OPA1: variants seen among roughly 807,000 people sequenced by gnomAD.
OPA1 encodes the protein OPA1 mitochondrial dynamin like GTPase.
Under a neutral mutation model 152.9 loss-of-function variants are expected in OPA1, and 59 were observed. That is an observed-to-expected ratio of 0.39 (90% CI 0.31 to 0.48). The LOEUF is 0.48. Ranked by LOEUF, OPA1 falls within the 20% of genes least tolerant of loss-of-function variation. OPA1 has a pLI of 0.96. For missense variants in OPA1, 1,008 were observed against 1,216.8 expected (o/e 0.83, Z 2.55); for synonymous variants, 400 against 389.9 (o/e 1.03, Z -0.31).
At chr3:193,667,807 A>G (rs921882644) in intron 29 of OPA1, among the ~76,000 whole-genome samples, 5 of 152,142 alleles carry the variant, frequency 3.3e-5, no homozygotes, top group African/African-American at 1.2e-4. Context: ...TCTCATAGCA[A>G]CCGAACATTG....
Position 193,643,594 on chromosome 3 carries a change from C to A in OPA1, c.1444C>A (p.Gln482Lys), listed in dbSNP as rs771512430. The A allele has an allele frequency of 3.1e-6, 5 of 1,613,528 alleles. No homozygotes were observed. In the South Asian group the frequency reaches 5.5e-5, roughly 18 times the overall value. The change falls in exon 15 of 31, where the codon CAG becomes AAG. Residue 482 changes from glutamine to lysine, a missense_variant. Coordinates refer to ENST00000361510, the MANE Select transcript of OPA1 (RefSeq NM_130837.3). ...TTTCAGTATCAGCAAAGCTTACATG[C>A]AGAATCCTAATGCCATCATACTGTG... Reference protein sequence around the residue: ...TIFSISKAYMQNPNAIILCIQ... With the variant: ...TIFSISKAYMKNPNAIILCIQ...
intron 3 of OPA1, among the ~76,000 whole-genome samples, chr3:193,616,295 A>G (rs1460477787): frequency 6.6e-6 from 1 of 152,216 alleles, no homozygotes; most frequent in Non-Finnish European, 1.5e-5. Context: ...AGTGTGAGCC[A>G]CTATGCCTGG....
At chr3:193,620,921 C>G (rs1729936278) in intron 6 of OPA1, among the ~76,000 whole-genome samples, 1 of 152,210 alleles carries the variant, frequency 6.6e-6, no homozygotes, top group African/African-American at 2.4e-5. Context: ...GAGACCTTAG[C>G]TTAGCAGTAC....
At chr3:193,616,036 G>T (rs2108870739) in intron 3 of OPA1, among the ~76,000 whole-genome samples, 1 of 152,234 alleles carries the variant, frequency 6.6e-6, no homozygotes, top group Non-Finnish European at 1.5e-5. Context: ...TATCGATTGA[G>T]ACAGGATCTT....
intron 29 of OPA1, among the ~76,000 whole-genome samples, chr3:193,667,861 C>G (rs60732955): frequency 6.6e-6 from 1 of 152,054 alleles, no homozygotes; most frequent in Non-Finnish European, 1.5e-5. Flanking sequence ...CAAGTTTCAC[C>G]CGTTGTCCCA....
chr3:193,670,147 C>T (rs890570889), intron 29 of OPA1, among the ~76,000 whole-genome samples: 2 of 151,984 alleles, frequency 1.3e-5, no homozygotes, highest in African/African-American at 4.8e-5. Flanking sequence ...AGAAAACTTT[C>T]CAAATTTAAG....
chr3:193,654,159 G>C (rs112307000), intron 21 of OPA1, among the ~76,000 whole-genome samples: 3,842 of 152,188 alleles, frequency 0.025, 53 homozygotes, highest in Non-Finnish European at 0.03. Flanking sequence ...CACAAGAATG[G>C]ATAAACACAT....
intron 29 of OPA1, among the ~76,000 whole-genome samples, chr3:193,675,064 C>G (rs2011539375): frequency 6.6e-6 from 1 of 152,114 alleles, no homozygotes; most frequent in Non-Finnish European, 1.5e-5. Context: ...GACATACATT[C>G]ATTTGTAGAG....
Position 193,649,961 on chromosome 3 carries a change from G to C in OPA1, c.2012+1090G>C, listed in dbSNP as rs535095721. On this transcript the variant is annotated intron_variant, in intron 21 of 30. Coordinates refer to ENST00000361510, the MANE Select transcript of OPA1 (RefSeq NM_130837.3). ...GGTTTACAGATTGAGTATAATACTA[G>C]TTGCCTTGCTAGATTGTATGAGGGC... 2.6e-5 allele frequency among the ~76,000 whole-genome samples: 4 copies of C among 152,266 alleles called. No individual in the cohort carries two copies. In the East Asian group the frequency reaches 7.7e-4, roughly 29 times the overall value.
intron 11 of OPA1, among the ~76,000 whole-genome samples, chr3:193,639,057 G>A (rs1037244073): frequency 3.9e-5 from 6 of 152,190 alleles, no homozygotes; most frequent in African/African-American, 1.4e-4. Context: ...AAGTTACTGA[G>A]GTGAAGGAGA....
At chr3:193,667,970 T>C (rs966711282) in intron 29 of OPA1, among the ~76,000 whole-genome samples, 6 of 152,216 alleles carry the variant, frequency 3.9e-5, no homozygotes, top group Non-Finnish European at 8.8e-5. Context: ...CTAGAAATTA[T>C]ATATGCTGTT....
chr3:193,635,386 C>CTT, intron 8 of OPA1, 32 bp from the exon 9 acceptor site: 1 of 1,319,298 alleles, frequency 7.6e-7, no homozygotes, highest in Non-Finnish European at 1.1e-6. Context: ...CCATCTTTTG[C>CTT]TTATATAGTT....
intron 29 of OPA1, among the ~76,000 whole-genome samples, chr3:193,688,268 T>G (rs886295511): frequency 6.6e-6 from 1 of 152,046 alleles, no homozygotes; most frequent in Non-Finnish European, 1.5e-5. Context: ...GGGCCCATTT[T>G]GTACTCCTGT....
intron 26 of OPA1, among the ~76,000 whole-genome samples, chr3:193,663,656 G>A (rs1715843395): frequency 6.6e-6 from 1 of 152,050 alleles, no homozygotes; most frequent in South Asian, 2.1e-4. Context: ...GTCTAGTGGG[G>A]AAAGCAATCA....
Position 193,668,430 on chromosome 3 carries a change from T to G in OPA1, c.2983+1150T>G, listed in dbSNP as rs1003462279. The G allele has an allele frequency of 5.2e-6, 8 of 1,550,598 alleles. No individual in the cohort carries two copies. The African/African-American group carries it at 9.6e-5, about 19-fold the overall frequency. On this transcript the variant is annotated intron_variant, in intron 29 of 30. Coordinates refer to ENST00000361510, the MANE Select transcript of OPA1 (RefSeq NM_130837.3). ...CTGGGCTCTGACATCCGTGCCAGGT[T>G]GCTCTTCGTCATGGAGTCCCTTTTA...
chr3:193,661,298 G>C (rs1715210842), intron 25 of OPA1, among the ~76,000 whole-genome samples: 1 of 152,146 alleles, frequency 6.6e-6, no homozygotes, highest in Non-Finnish European at 1.5e-5. Flanking sequence ...GCCATAATTT[G>C]GAATATAGAA....
intron 11 of OPA1, among the ~76,000 whole-genome samples, chr3:193,640,519 G>A (rs1346048327): frequency 1.3e-5 from 2 of 152,160 alleles, no homozygotes; most frequent in Admixed American, 6.5e-5. Context: ...GATTGCTTCC[G>A]CTTACTCAGT....
Position 193,654,933 on chromosome 3 carries a change from C to T in OPA1, c.2084C>T (p.Ala695Val), listed in dbSNP as rs2109139144. The change falls in exon 22 of 31, where the codon GCT becomes GTT. Residue 695 changes from alanine (A) to valine (V), a missense_variant. Physicochemically the swap from Ala to Val is moderately conservative, Grantham distance 64 (BLOSUM62 0). Coordinates refer to ENST00000361510, the MANE Select transcript of OPA1 (RefSeq NM_130837.3). ...THVIENIYLP[A>V]AQTMNSGTFN... The stretch of plus-strand genomic sequence containing the variant: ...GTGATTGAAAACATCTACCTTCCAG[C>T]TGCGCAGACCATGAATTCAGGAACT... The T allele has an allele frequency of 6.2e-7, 1 of 1,613,930 alleles. No individual in the cohort carries two copies. The highest frequency in any genetic ancestry group is 8.5e-7 in the Non-Finnish European group (1 of 1,179,900).
intron 6 of OPA1, among the ~76,000 whole-genome samples, chr3:193,620,610 A>G (rs1203386337): frequency 8.0e-6 from 1 of 124,630 alleles, no homozygotes; most frequent in Non-Finnish European, 1.7e-5. Flanking sequence ...TTCCCCATTA[A>G]AGACTTACCA....
Sources: allele counts gnomAD v4.1 joint callset (sites outside exome capture counted in the v4.1 genomes callset), GRCh38; gene constraint gnomAD v4.1.1; transcripts MANE v1.5; gene names NCBI Gene and HGNC (gene_info 2026-07-23, HGNC 2026-07-21).